Variants in WFDC8 observed in about 807,000 individuals in gnomAD.
The protein encoded by WFDC8 is WAP four-disulfide core domain 8.
A neutral mutation model predicts 27.0 loss-of-function variants in WFDC8; 24 were observed. The ratio of observed to expected loss-of-function variants is 0.89; its 90% CI spans 0.64 to 1.25. The LOEUF (loss-of-function observed/expected upper bound fraction) is 1.25, where lower values mean the gene tolerates loss of function less well. Among genes scored for constraint, WFDC8 ranks in the 50% most tolerant of loss-of-function variants. WFDC8 has a pLI of 0.00. For synonymous variants in WFDC8, 106 were observed against 99.7 expected (o/e 1.06, Z -0.38); for missense variants, 287 against 295.9 (o/e 0.97, Z 0.22).
At chr20:45,560,589 G>T (rs1980431559) in intron 2 of WFDC8, among the ~76,000 whole-genome samples, 1 of 152,132 alleles carries the variant, frequency 6.6e-6, no homozygotes, top group African/African-American at 2.4e-5. Flanking sequence ...GGAATGGAAA[G>T]AACTCTATTT....
chr20:45,569,773 A>G (rs954918619), intron 1 of WFDC8, among the ~76,000 whole-genome samples: 2 of 152,194 alleles, frequency 1.3e-5, no homozygotes, highest in African/African-American at 2.4e-5. Flanking sequence ...TAGCAAAGAC[A>G]TAGAATTGAC....
rs148857142 is a variant in WFDC8 at position 45,556,034 on chromosome 20, A to T, written c.278-166T>A. 7.6e-4 allele frequency among the ~76,000 whole-genome samples: 115 copies of T among 152,312 alleles called. 1 individual carries two copies. The highest frequency in any genetic ancestry group is 2.6e-3 in the African/African-American group (109 of 41,572). On this transcript the variant is annotated intron_variant, in intron 3 of 5. Coordinates refer to ENST00000289953, the MANE Select transcript of WFDC8 (RefSeq NM_130896.3). Reference sequence around the variant, plus strand: ...GGTTCTGGTCCCAGTTCTACTACTAATAGTCTATGTTGTATGGCACCTCTG... The same window carrying T: ...GGTTCTGGTCCCAGTTCTACTACTATTAGTCTATGTTGTATGGCACCTCTG...
intron 4 of WFDC8, among the ~76,000 whole-genome samples, chr20:45,555,441 T>A (rs1980203286): frequency 6.6e-6 from 1 of 152,172 alleles, no homozygotes; most frequent in Non-Finnish European, 1.5e-5. Flanking sequence ...TTGGCCAAGA[T>A]CTATTAACAT....
intron 1 of WFDC8, among the ~76,000 whole-genome samples, chr20:45,571,053 C>T (rs1046701377): frequency 6.6e-6 from 1 of 152,166 alleles, no homozygotes; most frequent in Non-Finnish European, 1.5e-5. Context: ...GTAGGAGTTT[C>T]TCCAGAGCCC....
At chr20:45,575,405 A>T (rs1981008233) in intron 1 of WFDC8, among the ~76,000 whole-genome samples, 1 of 152,214 alleles carries the variant, frequency 6.6e-6, no homozygotes, top group African/African-American at 2.4e-5. Flanking sequence ...ACAAATTAAA[A>T]CAATCCCATT....
At chr20:45,555,095 C>T (rs541731666) in intron 4 of WFDC8, among the ~76,000 whole-genome samples, 1 of 152,268 alleles carries the variant, frequency 6.6e-6, no homozygotes, top group Admixed American at 6.5e-5. Flanking sequence ...GCTGTGACTC[C>T]AGAATTACAG....
chr20:45,557,372 T>C (rs1283455426), intron 3 of WFDC8, among the ~76,000 whole-genome samples: 1 of 152,178 alleles, frequency 6.6e-6, no homozygotes, highest in Admixed American at 6.5e-5. Flanking sequence ...TTGGCAAAAA[T>C]ATGTTGATTG....
chr20:45,569,088 C>G (rs77157129), intron 1 of WFDC8, among the ~76,000 whole-genome samples: 15,380 of 152,232 alleles, frequency 0.1, 795 homozygotes, highest in African/African-American at 0.12. Context: ...TTTCCAAATC[C>G]AATCCTGCTT....
In WFDC8 at chr20:45,579,132, C is replaced by T. The variant is rs990893618; in HGVS notation, c.26+90G>A. ...TATGCTTGGCCCAACTCCCCACAGC[C>T]GACCACTCTAACTTCTATGTATCCT... On this transcript the variant is annotated intron_variant, in intron 1 of 5. Transcript: ENST00000289953. The T allele has an allele frequency of 3.4e-5, 46 of 1,339,176 alleles. No homozygotes were observed. In the Middle Eastern group the frequency reaches 5.5e-4, roughly 16 times the overall value. The allele number at this position is 1,339,176 out of a possible 1,614,324, so 83.0% of individuals were successfully genotyped here. A position where few individuals can be genotyped will look rare whatever the true frequency, so the allele number is the denominator to read the frequency against.
chr20:45,555,047 A>G (rs562169258), intron 4 of WFDC8, among the ~76,000 whole-genome samples: 4 of 152,344 alleles, frequency 2.6e-5, no homozygotes, highest in Non-Finnish European at 4.4e-5. Context: ...TGTGTTTTAA[A>G]TCACATATAA....
intron 2 of WFDC8, 87 bp downstream of exon 2, chr20:45,562,023 A>G: frequency 8.0e-7 from 1 of 1,252,684 alleles, no homozygotes; most frequent in East Asian, 2.5e-5. Context: ...AGGGGGCCTC[A>G]TCTGACACTG....
Position 45,553,031 on chromosome 20 carries a change from G to A in WFDC8, c.586+105C>T, listed in dbSNP as rs534155540. 72 of 1,404,294 alleles carry A rather than the reference G, an allele frequency of 5.1e-5. No homozygotes were observed. The African/African-American group carries it at 9.9e-4, about 19-fold the overall frequency. The allele number at this position is 1,404,294 out of a possible 1,614,324, so 87.0% of individuals were successfully genotyped here. Reference sequence around the variant, plus strand: ...GGTTCCCAAAGATCCTCAAAGATGAGCCCAAGGAGCATCTGAGGTTCAAGA... The same window carrying A: ...GGTTCCCAAAGATCCTCAAAGATGAACCCAAGGAGCATCTGAGGTTCAAGA... On this transcript the variant is annotated intron_variant, in intron 5 of 5. Coordinates refer to ENST00000289953, the MANE Select transcript of WFDC8 (RefSeq NM_130896.3).
rs1448008767 is a variant in WFDC8, at chr20:45,553,254, G to A, written c.468C>T (p.Leu156=). 6.2e-7 allele frequency: 1 copy of A among 1,613,782 alleles called. No individual in the cohort carries two copies. Among genetic ancestry groups the A allele is most frequent in the Non-Finnish European group, 8.5e-7 (1 of 1,179,730 alleles). The change falls in exon 5 of 6, where the codon CTC becomes CTT. Residue 156 remains leucine (L), a synonymous_variant. Transcript: ENST00000289953. ...MLIVKDGQCP[L]FPFTERKECP... ...ACTCCTTACGTTCAGTGAAAGGGAA[G>A]AGTGGGCATTGTCCATCCTTAACTA...
chr20:45,566,225 T>C (rs1980671527), intron 1 of WFDC8, among the ~76,000 whole-genome samples: 1 of 152,124 alleles, frequency 6.6e-6, no homozygotes, highest in African/African-American at 2.4e-5. Context: ...ACAAATCCTT[T>C]TGCAAGATAC....
intron 5 of WFDC8, 114 bp from the exon 6 acceptor site, chr20:45,552,279 C>T: frequency 1.6e-6 from 2 of 1,282,456 alleles, no homozygotes; most frequent in Non-Finnish European, 2.2e-6. Flanking sequence ...AGCTTCTTAC[C>T]TTTCCCCCTA....
intron 1 of WFDC8, among the ~76,000 whole-genome samples, chr20:45,578,625 G>C (rs1311439831): frequency 1.4e-5 from 2 of 141,286 alleles, no homozygotes; most frequent in African/African-American, 4.9e-5. Flanking sequence ...CAATGAGACA[G>C]AAATGTGTCT....
intron 3 of WFDC8, among the ~76,000 whole-genome samples, chr20:45,558,640 T>C (rs1461740541): frequency 2.6e-5 from 4 of 152,234 alleles, no homozygotes; most frequent in Non-Finnish European, 4.4e-5. Context: ...AATAATTGAA[T>C]GTTGGACCCA....
intron 1 of WFDC8, among the ~76,000 whole-genome samples, chr20:45,566,495 C>T (rs1436732175): frequency 6.6e-6 from 1 of 151,970 alleles, no homozygotes; most frequent in Non-Finnish European, 1.5e-5. Flanking sequence ...AACCCTGTCT[C>T]TACTAAAAAA....
At chr20:45,551,641 G>GA (rs1328840331), downstream of WFDC8, 1 of 149,714 alleles carries the variant, frequency 6.7e-6, no homozygotes, top group African/African-American at 2.5e-5. Flanking sequence ...AAGAAAGAAA[G>GA]AAAGAAAAGG....
Sources: gnomAD v4.1 joint callset for allele counts (sites outside exome capture counted in the v4.1 genomes callset) on GRCh38, gnomAD v4.1.1 for gene constraint, MANE v1.5 for transcripts, NCBI Gene and HGNC (gene_info 2026-07-23, HGNC 2026-07-21) for gene names.